Variants in CACNA1E observed in about 807,000 individuals in gnomAD.
CACNA1E encodes the protein voltage-dependent R-type calcium channel subunit alpha-1E.
CACNA1E carries 40 observed loss-of-function variants against 259.2 expected under a neutral mutation model. The observed-to-expected ratio is 0.15, with a 90% CI of 0.12 to 0.20. CACNA1E has a LOEUF of 0.20. CACNA1E is among the 10% of genes least tolerant of loss of function. The pLI, the probability that CACNA1E is intolerant of heterozygous loss-of-function variation, is 1.00. For synonymous variants in CACNA1E, 1,104 were observed against 1,138.5 expected (o/e 0.97, Z 0.61); for missense variants, 1,874 against 3,040.1 (o/e 0.62, Z 9.02).
chr1:181,523,125 C>A (rs896921687), intron 3 of CACNA1E, among the ~76,000 whole-genome samples: 1 of 147,318 alleles, frequency 6.8e-6, no homozygotes, highest in Non-Finnish European at 1.5e-5. Context: ...CTCTGACCTC[C>A]AGTCCTTCTT....
chr1:181,636,316 T>C (rs950566446), intron 6 of CACNA1E, among the ~76,000 whole-genome samples: 1 of 152,184 alleles, frequency 6.6e-6, no homozygotes, highest in Non-Finnish European at 1.5e-5. Context: ...CTCAGTTTCC[T>C]CATCAGAGGA....
intron 7 of CACNA1E, chr1:181,651,733 G>C (rs946410539): frequency 1.3e-5 from 3 of 228,896 alleles, no homozygotes; most frequent in Non-Finnish European, 1.7e-5. Flanking sequence ...TAACTCAGCA[G>C]TCAGAGACCT....
chr1:181,543,654 C>T (rs1668765291), intron 3 of CACNA1E, among the ~76,000 whole-genome samples: 1 of 152,154 alleles, frequency 6.6e-6, no homozygotes. Flanking sequence ...CTTGGACATC[C>T]CAGCCTCCAA....
At chr1:181,360,896 C>G (rs1653836266) in intron 1 of CACNA1E, among the ~76,000 whole-genome samples, 2 of 152,004 alleles carry the variant, frequency 1.3e-5, no homozygotes, top group African/African-American at 2.4e-5. Flanking sequence ...CTTGTTGCCC[C>G]CTAGGGTTCT....
intron 2 of CACNA1E, among the ~76,000 whole-genome samples, chr1:181,447,938 GCT>G (rs1660899821): frequency 6.6e-6 from 1 of 152,164 alleles, no homozygotes; most frequent in East Asian, 1.9e-4. Flanking sequence ...TCTTTCTCAT[GCT>G]CTGTCTTTTG....
intron 43 of CACNA1E, among the ~76,000 whole-genome samples, chr1:181,786,956 CATTTT>C (rs1047544114): frequency 2.0e-5 from 3 of 151,672 alleles, no homozygotes; most frequent in African/African-American, 7.3e-5. Flanking sequence ...TGACCAAGGT[CATTTT>C]TTTTTTAAAT....
At chr1:181,590,410 A>ATAT (rs1489019194) in intron 6 of CACNA1E, among the ~76,000 whole-genome samples, 3,364 of 118,858 alleles carry the variant, frequency 0.028, 51 homozygotes, top group Non-Finnish European at 0.045. Context: ...ACAAAAAAAA[A>ATAT]AAAAAAATAT....
At chr1:181,482,698 C>T (rs1663385162), upstream of CACNA1E, among the ~76,000 whole-genome samples, 1 of 152,266 alleles carries the variant, frequency 6.6e-6, no homozygotes, top group African/African-American at 2.4e-5. Flanking sequence ...GCCGAGGGCG[C>T]TGCCTGCGGG....
At chr1:181,419,278 C>G (rs1215703757) in intron 2 of CACNA1E, among the ~76,000 whole-genome samples, 2 of 152,130 alleles carry the variant, frequency 1.3e-5, no homozygotes, top group Non-Finnish European at 2.9e-5. Flanking sequence ...TTCATCTTTC[C>G]CCTTAACTCA....
intron 44 of CACNA1E, among the ~76,000 whole-genome samples, chr1:181,791,451 T>A (rs1356906825): frequency 6.6e-6 from 1 of 152,148 alleles, no homozygotes; most frequent in Non-Finnish European, 1.5e-5. Context: ...CCAGCCTGGG[T>A]GACAGAGCAA....
At chr1:181,731,903 A>G (rs1016599037) in intron 19 of CACNA1E, among the ~76,000 whole-genome samples, 3 of 151,996 alleles carry the variant, frequency 2.0e-5, no homozygotes, top group South Asian at 4.2e-4. Flanking sequence ...TTACCCTTCA[A>G]TGGTATCTGA....
At chr1:181,783,848 C>G in intron 40 of CACNA1E, 64 bp downstream of exon 40, 2 of 1,014,846 alleles carry the variant, frequency 2.0e-6, no homozygotes, top group South Asian at 1.3e-5. Context: ...GCAGGTGGCA[C>G]AGGATGGAGA....
At chr1:181,339,388 A>G (rs1273608149) in intron 1 of CACNA1E, among the ~76,000 whole-genome samples, 1 of 152,038 alleles carries the variant, frequency 6.6e-6, no homozygotes, top group Non-Finnish European at 1.5e-5. Context: ...TTCCTTGGTT[A>G]AATTTATTCC....
chr1:181,697,272 T>C (rs1651801437), intron 7 of CACNA1E, among the ~76,000 whole-genome samples: 1 of 152,260 alleles, frequency 6.6e-6, no homozygotes, highest in Non-Finnish European at 1.5e-5. Context: ...TCCCCTGGCT[T>C]CTATTTGCCT....
At chr1:181,486,749 A>G (rs1663852928) in intron 1 of CACNA1E, among the ~76,000 whole-genome samples, 1 of 152,256 alleles carries the variant, frequency 6.6e-6, no homozygotes, top group Non-Finnish European at 1.5e-5. Context: ...ATTACCCAGT[A>G]ATCACTAGTT....
intron 1 of CACNA1E, among the ~76,000 whole-genome samples, chr1:181,402,135 G>C (rs925631789): frequency 7.2e-5 from 11 of 152,212 alleles, no homozygotes; most frequent in African/African-American, 2.7e-4. Context: ...TTTATAACCA[G>C]ATGAGATATT....
At chr1:181,690,837 T>C (rs1196605882) in intron 7 of CACNA1E, among the ~76,000 whole-genome samples, 1 of 151,928 alleles carries the variant, frequency 6.6e-6, no homozygotes, top group African/African-American at 2.4e-5. Flanking sequence ...CCTGAGACTT[T>C]GTTCTAGTTT....
At chr1:181,668,048 G>A (rs1466674396) in intron 7 of CACNA1E, among the ~76,000 whole-genome samples, 2 of 152,042 alleles carry the variant, frequency 1.3e-5, no homozygotes, top group Non-Finnish European at 2.9e-5. Flanking sequence ...ACACTCATTT[G>A]TGTGTGTAGT....
chr1:181,354,162 T>TA (rs1335085159), intron 1 of CACNA1E, among the ~76,000 whole-genome samples: 7 of 149,664 alleles, frequency 4.7e-5, no homozygotes, highest in African/African-American at 1.7e-4. Context: ...TTTTTTTTTT[T>TA]AAACAGTCTA....
Sources: gnomAD v4.1 joint callset for allele counts (sites outside exome capture counted in the v4.1 genomes callset) on GRCh38, gnomAD v4.1.1 for gene constraint, MANE v1.5 for transcripts, NCBI Gene and HGNC (gene_info 2026-07-23, HGNC 2026-07-21) for gene names.